The following CASZ1 variants were observed in gnomAD, a reference collection of about 807,000 sequenced individuals.
CASZ1 encodes the protein zinc finger protein castor homolog 1.
CASZ1 carries 28 observed loss-of-function variants against 135.2 expected under a neutral mutation model. The ratio of observed to expected loss-of-function variants is 0.21; its 90% CI spans 0.15 to 0.28. The LOEUF (loss-of-function observed/expected upper bound fraction) is 0.28, where lower values mean the gene tolerates loss of function less well. Among genes scored for constraint, CASZ1 ranks in the 10% least tolerant of loss-of-function variants. The pLI, the probability that CASZ1 is intolerant of heterozygous loss-of-function variation, is 1.00. For missense variants in CASZ1, 2,161 were observed against 2,453.3 expected, an observed-to-expected ratio of 0.88 and a Z score of 2.52; for synonymous variants, 1,068 against 1,073.4, an observed-to-expected ratio of 0.99 and a Z score of 0.10.
chr1:10,774,557 G>GC lies in CASZ1; in HGVS notation c.-233-13701dup, dbSNP rs112815797. 9.9e-5 allele frequency among the ~76,000 whole-genome samples: 15 copies of GC among 151,902 alleles called. 1 individual carries two copies. The South Asian group carries it at 2.9e-3, about 30-fold the overall frequency. On this transcript the variant is annotated intron_variant, in intron 1 of 20. Coordinates refer to ENST00000377022, the MANE Select transcript of CASZ1 (RefSeq NM_001079843.3). This position sits in a 1 kb window ranked among gnomAD's most constrained non-coding sequence, Gnocchi z 4.4. ...GTGATCCCAAGAAATCCCATCCATA[G>GC]CCCCCCCGATCCAAAAGGATCACCA...
In CASZ1 at chr1:10,638,511, G is replaced by GGCCCCGCCAGCGGCTCCAGGAGCC. The variant is rs1553123229; in HGVS notation, c.*407_*430dup. 1.3e-5 allele frequency: 2 copies of GGCCCCGCCAGCGGCTCCAGGAGCC among 151,940 alleles called. No individual in the cohort carries two copies. The highest frequency in any genetic ancestry group is 2.9e-5 in the Non-Finnish European group (2 of 67,982). The allele number at this position is 151,940 out of a possible 1,614,324, so 9.4% of individuals were successfully genotyped here. On this transcript the variant is annotated 3_prime_UTR_variant, in exon 21 of 21. Transcript: ENST00000377022. The surrounding 1 kb of genome is among the most constrained non-coding windows in gnomAD (Gnocchi z 5.9). ...GGGAGGATCCTAGCTGCATGAGGGAGGCCCCGCCAGCGGCTCCAGGAGCCA... is the reference window on the plus strand; with the variant it reads ...GGGAGGATCCTAGCTGCATGAGGGAGGCCCCGCCAGCGGCTCCAGGAGCCGCCCCGCCAGCGGCTCCAGGAGCCA...
In CASZ1 at chr1:10,699,160, G is replaced by C. The variant is rs1418278581; in HGVS notation, c.-23-5248C>G. Among the ~76,000 whole-genome samples, 1 of 152,218 alleles carries C rather than the reference G, an allele frequency of 6.6e-6. No homozygotes were observed. Among genetic ancestry groups the C allele is most frequent in the Non-Finnish European group, 1.5e-5 (1 of 68,022 alleles). ...GCAGGGTACCAGCCTTCGGGGAGAA[G>C]AGCTGGGGATCGACATGGCCCAAAT... On this transcript the variant is annotated intron_variant, in intron 3 of 20. Coordinates refer to ENST00000377022, the MANE Select transcript of CASZ1 (RefSeq NM_001079843.3). The surrounding 1 kb of genome is among the most constrained non-coding windows in gnomAD (Gnocchi z 4.6).
At chr1:10,733,916 G>A (rs56991136) in intron 2 of CASZ1, among the ~76,000 whole-genome samples, 8,831 of 152,224 alleles carry the variant, frequency 0.058, 847 homozygotes, top group African/African-American at 0.2. Context: ...GCTAAAGGGC[G>A]TGGCACAGCA....
chr1:10,778,242 A>G (rs1640696952), intron 1 of CASZ1, among the ~76,000 whole-genome samples: 1 of 151,674 alleles, frequency 6.6e-6, no homozygotes. Flanking sequence ...CAATCACACA[A>G]TCTCACACAG....
rs1642954582 is a variant in CASZ1, at chr1:10,659,903, C to G, written c.1139G>C (p.Gly380Ala). 12 of 1,611,180 alleles carry G rather than the reference C, an allele frequency of 7.4e-6. No individual in the cohort carries two copies. The highest frequency in any genetic ancestry group is 1.0e-5 in the Non-Finnish European group (12 of 1,179,268). ...CTTGGCGGGGCCTGGCTTCTGGATG[C>G]CCCGGACGTCGTACTTGGAAGGGCG... is the stretch of plus-strand genomic sequence containing the variant. ...VGRPSKYDVR[G>A]IQKPGPAKVP... Residue 380 changes from glycine to alanine, a missense_variant, in exon 6 of 21, where the codon GGC becomes GCC. Transcript: ENST00000377022.
At chr1:10,653,198 G>C (rs1287983318) in intron 11 of CASZ1, 179 bp downstream of exon 11, 1 of 697,450 alleles carries the variant, frequency 1.4e-6, no homozygotes, top group Admixed American at 2.4e-5. Context: ...AGAACCAGGG[G>C]CCCCACATAG....
rs750396968 is a variant in CASZ1, at chr1:10,654,189, T to C, written c.1868A>G (p.Asn623Ser). The change falls in exon 11 of 21, where the codon AAC becomes AGC. Residue 623 changes from asparagine to serine, a missense_variant. Asn to Ser is a conservative substitution (Grantham distance 46, BLOSUM62 1). This residue lies in a region of CASZ1 where 248 missense variants were observed against 410.8 expected (regional missense o/e 0.60). Transcript: ENST00000377022. The part of the protein sequence containing the change: ...RRPGCTFTFK[N>S]KCDIEKHKSY... ...CTTGTGCTTCTCGATGTCACACTTG[T>C]TCTTGAAAGTGAATGTGCAGCCGGG... 1.9e-6 allele frequency: 3 copies of C among 1,614,084 alleles called. No homozygotes were observed. The highest frequency in any genetic ancestry group is 3.3e-5 in the Admixed American group (2 of 60,008).
intron 4 of CASZ1, among the ~76,000 whole-genome samples, chr1:10,667,434 C>T (rs17035541): frequency 0.056 from 8,561 of 152,294 alleles, 384 homozygotes; most frequent in African/African-American, 0.11. Flanking sequence ...TACCCAGGTT[C>T]GTCCACATCT....
chr1:10,688,702 G>A (rs938692029), intron 4 of CASZ1, among the ~76,000 whole-genome samples: 1 of 152,232 alleles, frequency 6.6e-6, no homozygotes, highest in African/African-American at 2.4e-5. Flanking sequence ...TCCCACATGG[G>A]TGTCTTACAT....
At chr1:10,737,868 G>A (rs750027986) in intron 2 of CASZ1, among the ~76,000 whole-genome samples, 5 of 152,222 alleles carry the variant, frequency 3.3e-5, no homozygotes, top group Non-Finnish European at 5.9e-5. Context: ...AGGCCATCTC[G>A]GGAAGGCTGG....
rs1041741741 is a variant in CASZ1, at chr1:10,670,472, G to A, written c.17-4901C>T. ...GGCTTCCACCCTGCCATTTACTTCC[G>A]AACTTGCAGCTCACAGGCCACAAGC... On this transcript the variant is annotated intron_variant, in intron 4 of 20. Transcript: ENST00000377022. Among the ~76,000 whole-genome samples the A allele has an allele frequency of 1.1e-4, 16 of 152,296 alleles. No individual in the cohort carries two copies. The East Asian group carries it at 1.7e-3, about 17-fold the overall frequency.
intron 2 of CASZ1, among the ~76,000 whole-genome samples, chr1:10,746,915 G>A (rs1039761050): frequency 3.9e-5 from 6 of 152,348 alleles, no homozygotes; most frequent in Non-Finnish European, 8.8e-5. Context: ...CCCAGGAGCC[G>A]TTTTCCAGGC....
chr1:10,656,560 C>A (rs939778700), intron 8 of CASZ1, 86 bp downstream of exon 8: 39 of 1,009,952 alleles, frequency 3.9e-5, no homozygotes, highest in Admixed American at 1.0e-4. Context: ...TAACCCCCCC[C>A]ACTGCCGTCC....
intron 2 of CASZ1, among the ~76,000 whole-genome samples, chr1:10,708,529 C>T (rs1639220710): frequency 6.6e-6 from 1 of 152,216 alleles, no homozygotes. Context: ...GAGCCTGGTG[C>T]CTTCTTCCTA....
chr1:10,703,089 A>G (rs1255630590), intron 3 of CASZ1, among the ~76,000 whole-genome samples: 1 of 151,896 alleles, frequency 6.6e-6, no homozygotes, highest in Non-Finnish European at 1.5e-5. Flanking sequence ...GAGATGGACA[A>G]AAGGCCAGGA....
At position 10,755,848 on chromosome 1, in the gene CASZ1, C is replaced by T. The variant is rs1346908628; in HGVS notation, c.-77+4853G>A. ...GTGGGAGGTGGGGAACCCTCCTGCT[C>T]CCACCCCTCTGCACCCCCCACCCCA... On this transcript the variant is annotated intron_variant, in intron 2 of 20. Coordinates refer to ENST00000377022, the MANE Select transcript of CASZ1 (RefSeq NM_001079843.3). The surrounding 1 kb of genome is among the most constrained non-coding windows in gnomAD (Gnocchi z 4.3). 6.7e-6 allele frequency among the ~76,000 whole-genome samples: 1 copy of T among 149,538 alleles called. No individual in the cohort carries two copies. The highest frequency in any genetic ancestry group is 1.5e-5 in the Non-Finnish European group (1 of 67,214).
intron 5 of CASZ1, among the ~76,000 whole-genome samples, chr1:10,664,322 T>G (rs1643155334): frequency 6.6e-6 from 1 of 151,970 alleles, no homozygotes; most frequent in South Asian, 2.1e-4. Context: ...GCGACCCCCT[T>G]GCCTGCTGGA....
intron 2 of CASZ1, among the ~76,000 whole-genome samples, chr1:10,758,620 C>T (rs910963327): frequency 1.3e-5 from 2 of 152,192 alleles, no homozygotes; most frequent in Non-Finnish European, 2.9e-5. Context: ...GCTTGAGCCA[C>T]CGCACCTGGC....
Position 10,653,531 on chromosome 1 carries a change from C to G in CASZ1, c.2526G>C (p.Ser842=), listed in dbSNP as rs1226035636. Reference sequence around the variant, plus strand: ...CCACGGGGGCTGAGTCTCCAGCTCCCGAGGCGACCAGCGTGGGTGTGTCAG... The same window carrying G: ...CCACGGGGGCTGAGTCTCCAGCTCCGGAGGCGACCAGCGTGGGTGTGTCAG... ...ATPDTPTLVA[S]GAGDSAPVAA... The change falls in exon 11 of 21, where the codon TCG becomes TCC. Residue 842 remains serine (S), a synonymous_variant. Transcript: ENST00000377022. 1 of 1,603,626 alleles carries G rather than the reference C, an allele frequency of 6.2e-7. No individual in the cohort carries two copies. Among genetic ancestry groups the G allele is most frequent in the Non-Finnish European group, 8.5e-7 (1 of 1,173,962 alleles).
Sources: gnomAD v4.1 joint callset for allele counts (sites outside exome capture counted in the v4.1 genomes callset) on GRCh38, gnomAD v4.1.1 for gene constraint, gnomAD v4.1.1 regional missense constraint, Gnocchi (gnomAD v3.1) non-coding constraint, MANE v1.5 for transcripts, NCBI Gene and HGNC (gene_info 2026-07-23, HGNC 2026-07-21) for gene names.